Variants in SORCS1 observed in about 807,000 individuals in gnomAD.
SORCS1 encodes VPS10 domain-containing receptor SorCS1.
A neutral mutation model predicts 146.1 loss-of-function variants in SORCS1; 60 were observed. That is an observed-to-expected ratio of 0.41 (90% CI 0.33 to 0.51). The LOEUF (loss-of-function observed/expected upper bound fraction) is 0.51, where lower values mean the gene tolerates loss of function less well. SORCS1 is among the 20% of genes least tolerant of loss of function. The pLI is 0.21. For synonymous variants in SORCS1, 637 were observed against 584.0 expected (o/e 1.09, Z -1.31); for missense variants, 1,352 against 1,487.6 (o/e 0.91, Z 1.50).
chr10:106,697,217 C>T (rs1161382554), intron 9 of SORCS1, among the ~76,000 whole-genome samples: 2 of 152,162 alleles, frequency 1.3e-5, no homozygotes, highest in Non-Finnish European at 2.9e-5. Context: ...ATAATCCCAG[C>T]ACTTTGGGAG....
At chr10:106,947,062 C>T (rs982125980) in intron 2 of SORCS1, among the ~76,000 whole-genome samples, 3 of 152,172 alleles carry the variant, frequency 2.0e-5, no homozygotes, top group Non-Finnish European at 4.4e-5. Flanking sequence ...ATCACCATCA[C>T]TTGTGGTCAG....
intron 2 of SORCS1, among the ~76,000 whole-genome samples, chr10:106,842,026 T>C (rs190151924): frequency 6.6e-6 from 1 of 152,306 alleles, no homozygotes; most frequent in Non-Finnish European, 1.5e-5. Flanking sequence ...GACTGTATCA[T>C]TTTGCATTCT....
chr10:106,775,052 T>C (rs1220155347), intron 4 of SORCS1, among the ~76,000 whole-genome samples: 3 of 152,198 alleles, frequency 2.0e-5, no homozygotes, highest in Non-Finnish European at 4.4e-5. Flanking sequence ...ACAGTGACCA[T>C]GGGAGGCACT....
chr10:107,135,815 T>C (rs1015876475), intron 1 of SORCS1, among the ~76,000 whole-genome samples: 2 of 152,226 alleles, frequency 1.3e-5, no homozygotes, highest in African/African-American at 4.8e-5. Context: ...TGGGTTTATG[T>C]TTCTTTTTTA....
At chr10:106,789,180 G>A (rs1946199937) in intron 3 of SORCS1, among the ~76,000 whole-genome samples, 1 of 152,142 alleles carries the variant, frequency 6.6e-6, no homozygotes, top group Non-Finnish European at 1.5e-5. Flanking sequence ...GCAGTGCCCT[G>A]GGCCCGGCCC....
At chr10:106,829,714 G>T in intron 2 of SORCS1, 41 bp from the exon 3 acceptor site, 1 of 1,493,734 alleles carries the variant, frequency 6.7e-7, no homozygotes. Context: ...AGAAGTATAT[G>T]TCATTTGGCT....
intron 1 of SORCS1, among the ~76,000 whole-genome samples, chr10:107,084,092 GTTTTT>G (rs34590427): frequency 8.8e-6 from 1 of 113,786 alleles, no homozygotes; most frequent in South Asian, 2.9e-4. Flanking sequence ...GTTGTTTTTT[GTTTTT>G]TTTTTTTTTT....
chr10:106,619,180 G>T (rs1847576326), intron 20 of SORCS1, among the ~76,000 whole-genome samples: 1 of 152,162 alleles, frequency 6.6e-6, no homozygotes. Context: ...AAAGGAAGTT[G>T]TTCAGTACAT....
intron 23 of SORCS1, among the ~76,000 whole-genome samples, chr10:106,599,572 T>C (rs1846114365): frequency 6.6e-6 from 1 of 152,112 alleles, no homozygotes; most frequent in Admixed American, 6.6e-5. Context: ...TACACACACA[T>C]ACATGCACAC....
At chr10:107,034,371 T>C (rs1437563714) in intron 1 of SORCS1, among the ~76,000 whole-genome samples, 2 of 151,846 alleles carry the variant, frequency 1.3e-5, no homozygotes, top group Non-Finnish European at 2.9e-5. Flanking sequence ...CTTTCCTTCA[T>C]ATATCAATTA....
At chr10:107,001,396 G>T (rs951116344) in intron 1 of SORCS1, among the ~76,000 whole-genome samples, 2 of 152,232 alleles carry the variant, frequency 1.3e-5, no homozygotes, top group East Asian at 3.9e-4. Flanking sequence ...CAGAACAGAG[G>T]GGGGTCAAGT....
intron 19 of SORCS1, among the ~76,000 whole-genome samples, chr10:106,623,497 G>T (rs1232431086): frequency 6.6e-6 from 1 of 151,490 alleles, no homozygotes; most frequent in Non-Finnish European, 1.5e-5. Context: ...GCCCGCCTCG[G>T]CCTCCCAAAG....
At chr10:106,589,697 G>GAAAAAA (rs1157873689) in intron 24 of SORCS1, among the ~76,000 whole-genome samples, 5 of 55,756 alleles carry the variant, frequency 9.0e-5, no homozygotes, top group Admixed American at 2.1e-4. Context: ...CTTTGACGAC[G>GAAAAAA]AAAAAAAAAA....
At chr10:106,875,901 G>T (rs190203398) in intron 2 of SORCS1, among the ~76,000 whole-genome samples, 1 of 152,194 alleles carries the variant, frequency 6.6e-6, no homozygotes, top group African/African-American at 2.4e-5. Context: ...GACACTGATG[G>T]CTTGGACTAG....
intron 21 of SORCS1, among the ~76,000 whole-genome samples, chr10:106,617,120 A>G (rs1293205172): frequency 2.6e-5 from 4 of 151,744 alleles, no homozygotes; most frequent in Middle Eastern, 3.2e-3. Context: ...ATGCCTGGCT[A>G]AATTTTATAT....
At chr10:106,597,299 G>A (rs975062741) in intron 24 of SORCS1, 52 bp downstream of exon 24, 1 of 1,431,060 alleles carries the variant, frequency 7.0e-7, no homozygotes, top group Non-Finnish European at 9.8e-7. Context: ...GCACGGACTA[G>A]GATTCCCTTT....
At position 107,163,556 on chromosome 10, in the gene SORCS1, T is replaced by C. The variant is rs181356793; in HGVS notation, c.558+413A>G. Among the ~76,000 whole-genome samples the C allele has an allele frequency of 2.7e-3, 416 of 152,320 alleles. 1 individual carries two copies. Among genetic ancestry groups the C allele is most frequent in the Middle Eastern group, 6.8e-3 (2 of 294 alleles). On this transcript the variant is annotated intron_variant, in intron 1 of 25. Transcript: ENST00000263054. ...CTACATATATGGGTCTTCTTAATCT[T>C]CTTTGAGCCAGTACATAGGTCTGGC...
At chr10:106,579,347 A>G (rs1335354056) in intron 25 of SORCS1, 22 bp downstream of exon 25, 2 of 1,614,000 alleles carry the variant, frequency 1.2e-6, no homozygotes, top group Admixed American at 3.3e-5. Flanking sequence ...GGGTGGGGGA[A>G]CGTGGATAGA....
chr10:107,004,070 G>C (rs903353273), intron 1 of SORCS1, among the ~76,000 whole-genome samples: 4 of 150,492 alleles, frequency 2.7e-5, no homozygotes, highest in African/African-American at 9.9e-5. Flanking sequence ...AGCTAGTTTG[G>C]AAGGCTGAGG....
Sources: gnomAD v4.1 joint callset for allele counts (sites outside exome capture counted in the v4.1 genomes callset) on GRCh38, gnomAD v4.1.1 for gene constraint, MANE v1.5 for transcripts, NCBI Gene and HGNC (gene_info 2026-07-23, HGNC 2026-07-21) for gene names.